The following MSRA variants were observed in gnomAD, a reference collection of about 807,000 sequenced individuals.
MSRA encodes the protein mitochondrial peptide methionine sulfoxide reductase.
Under a neutral mutation model 31.3 loss-of-function variants are expected in MSRA, and 54 were observed. The observed-to-expected ratio is 1.73, with a 90% confidence interval of 1.39 to 2.17. The LOEUF is 2.17. MSRA is among the 30% of genes most tolerant of loss of function. The probability of loss-of-function intolerance (pLI) is 0.00; values close to 1 mark genes in which losing one functional copy is unlikely to be tolerated. For missense variants in MSRA, 507 were observed against 300.9 expected (o/e 1.69, Z -5.07); for synonymous variants, 169 against 116.5 (o/e 1.45, Z -2.90).
intron 1 of MSRA, among the ~76,000 whole-genome samples, chr8:10,196,831 CA>C (rs1808035535): frequency 6.6e-6 from 1 of 152,100 alleles, no homozygotes; most frequent in African/African-American, 2.4e-5. Context: ...CTCGGCCTCC[CA>C]AAGTGCTGGG....
intron 1 of MSRA, among the ~76,000 whole-genome samples, chr8:10,194,603 C>T (rs1306176547): frequency 2.0e-5 from 3 of 152,190 alleles, no homozygotes; most frequent in Admixed American, 6.5e-5. Context: ...CTGGGGACTG[C>T]AGCCCAATTT....
chr8:10,285,013 A>G (rs957777921), intron 3 of MSRA, among the ~76,000 whole-genome samples: 10 of 116,820 alleles, frequency 8.6e-5, no homozygotes, highest in East Asian at 5.2e-4. Flanking sequence ...TTCCTCCCCA[A>G]TCTTTTTTTC....
intron 1 of MSRA, chr8:10,096,058 T>A: frequency 7.2e-7 from 1 of 1,385,358 alleles, no homozygotes; most frequent in Non-Finnish European, 9.5e-7. Context: ...GTTTTTAGAT[T>A]TTATTTTATT....
intron 5 of MSRA, among the ~76,000 whole-genome samples, chr8:10,379,105 C>G (rs962351674): frequency 5.9e-5 from 9 of 152,194 alleles, no homozygotes; most frequent in Non-Finnish European, 8.8e-5. Context: ...TTTTCATTGA[C>G]TGCAGAACAC....
At chr8:10,219,100 T>C (rs1255585378) in intron 2 of MSRA, among the ~76,000 whole-genome samples, 1 of 152,222 alleles carries the variant, frequency 6.6e-6, no homozygotes, top group Non-Finnish European at 1.5e-5. Flanking sequence ...GAGGAGGTCT[T>C]GCTTCTAGAT....
intron 5 of MSRA, among the ~76,000 whole-genome samples, chr8:10,372,282 A>G (rs1241518781): frequency 1.3e-5 from 2 of 152,184 alleles, no homozygotes; most frequent in Non-Finnish European, 2.9e-5. Flanking sequence ...AATAAACTAT[A>G]ACAATCACAG....
At chr8:10,308,875 G>A (rs73534590) in intron 4 of MSRA, among the ~76,000 whole-genome samples, 1 of 152,320 alleles carries the variant, frequency 6.6e-6, no homozygotes, top group African/African-American at 2.4e-5. Context: ...AGTCAGTGAT[G>A]CCTACTTCAT....
intron 2 of MSRA, among the ~76,000 whole-genome samples, chr8:10,214,893 T>A (rs1230873864): frequency 6.6e-6 from 1 of 152,186 alleles, no homozygotes; most frequent in African/African-American, 2.4e-5. Flanking sequence ...AGAAGTCAGA[T>A]AATATAGAGA....
intron 1 of MSRA, among the ~76,000 whole-genome samples, chr8:10,166,151 C>T (rs971208699): frequency 2.0e-5 from 3 of 152,178 alleles, no homozygotes; most frequent in African/African-American, 7.2e-5. Flanking sequence ...GGCAGTCTCA[C>T]ACTGGGTATG....
At chr8:10,138,518 C>T (rs1802460462) in intron 1 of MSRA, among the ~76,000 whole-genome samples, 1 of 152,178 alleles carries the variant, frequency 6.6e-6, no homozygotes, top group African/African-American at 2.4e-5. Flanking sequence ...CGGCTGCTTT[C>T]ATGTCTCTAC....
intron 4 of MSRA, among the ~76,000 whole-genome samples, chr8:10,303,737 A>G (rs1800973433): frequency 6.6e-6 from 1 of 152,112 alleles, no homozygotes; most frequent in African/African-American, 2.4e-5. Flanking sequence ...AGGGCAGGGG[A>G]TGATGGTTAG....
chr8:10,330,451 G>T (rs1478087467), intron 5 of MSRA, among the ~76,000 whole-genome samples: 3 of 152,096 alleles, frequency 2.0e-5, no homozygotes, highest in African/African-American at 7.2e-5. Flanking sequence ...ACATCTATAG[G>T]CTGAAAATGG....
chr8:10,396,334 A>T lies in MSRA; in HGVS notation c.544-31814A>T, dbSNP rs142695118. ...ATTTACACACTGAGTGGGAAGAGCT[A>T]TGAAGGAATATGTAACATTTTAATA... On this transcript the variant is annotated intron_variant, in intron 5 of 5. Transcript: ENST00000317173. Among the ~76,000 whole-genome samples the T allele has an allele frequency of 1.8e-4, 28 of 152,278 alleles. No individual in the cohort carries two copies. In the South Asian group the frequency reaches 2.3e-3, roughly 12 times the overall value.
intron 1 of MSRA, among the ~76,000 whole-genome samples, chr8:10,070,856 A>G (rs1226414396): frequency 2.0e-5 from 3 of 152,188 alleles, no homozygotes; most frequent in African/African-American, 2.4e-5. Context: ...ATTACAGAGT[A>G]TTATTACTTG....
intron 3 of MSRA, among the ~76,000 whole-genome samples, chr8:10,272,896 A>G (rs1799122880): frequency 6.6e-6 from 1 of 152,210 alleles, no homozygotes; most frequent in Non-Finnish European, 1.5e-5. Context: ...GAATAACAGC[A>G]TCTGTAGCAA....
rs1022562751 is a variant in MSRA, at chr8:10,186,752, C to G, written c.143-21081C>G. Among the ~76,000 whole-genome samples, 4 of 152,146 alleles carry G rather than the reference C, an allele frequency of 2.6e-5. No individual in the cohort carries two copies. In the South Asian group the frequency reaches 6.2e-4, roughly 24 times the overall value. ...ATGGGTGGGGCGGGGAGAGGTCACA[C>G]CAAGCAGATAGCTGCCTCTGCCTAA... On this transcript the variant is annotated intron_variant, in intron 1 of 5. Coordinates refer to ENST00000317173, the MANE Select transcript of MSRA (RefSeq NM_012331.5).
At chr8:10,400,930 A>C (rs1217785110) in intron 5 of MSRA, among the ~76,000 whole-genome samples, 4 of 152,236 alleles carry the variant, frequency 2.6e-5, no homozygotes, top group Non-Finnish European at 5.9e-5. Context: ...CGTCTCAGGA[A>C]AACATAGAGG....
At chr8:10,069,993 G>T (rs1048404102) in intron 1 of MSRA, among the ~76,000 whole-genome samples, 16 of 152,172 alleles carry the variant, frequency 1.1e-4, no homozygotes, top group African/African-American at 3.9e-4. Flanking sequence ...TATGTATATG[G>T]TAAGTGCTTA....
At chr8:10,407,004 A>C (rs750161177) in intron 5 of MSRA, among the ~76,000 whole-genome samples, 6 of 152,242 alleles carry the variant, frequency 3.9e-5, no homozygotes, top group African/African-American at 2.4e-5. Context: ...CGGTCTCCCA[A>C]ATAGCTGAGG....
Sources: allele counts gnomAD v4.1 joint callset (sites outside exome capture counted in the v4.1 genomes callset), GRCh38; gene constraint gnomAD v4.1.1; transcripts MANE v1.5; gene names NCBI Gene and HGNC (gene_info 2026-07-23, HGNC 2026-07-21).